The following SHOC1 variants were observed in gnomAD, a reference collection of about 807,000 sequenced individuals.
The protein encoded by SHOC1 is protein shortage in chiasmata 1 ortholog.
In SHOC1, 136 loss-of-function variants were observed where a neutral mutation model predicts 179.2. That is an observed-to-expected ratio of 0.76 (90% CI 0.66 to 0.87). The LOEUF (loss-of-function observed/expected upper bound fraction) is 0.87. SHOC1 is among the 40% of genes least tolerant of loss of function. The pLI is 0.00. For synonymous variants in SHOC1, 489 were observed against 586.6 expected, an observed-to-expected ratio of 0.83 and a Z score of 2.41; for missense variants, 1,538 against 1,700.8, an observed-to-expected ratio of 0.90 and a Z score of 1.68.
At chr9:111,705,403 C>T in intron 20 of SHOC1, 39 bp from the exon 21 acceptor site, 3 of 991,196 alleles carry the variant, frequency 3.0e-6, no homozygotes, top group South Asian at 1.9e-5. Flanking sequence ...CTCTTTTATT[C>T]TCATCTCCCA....
intron 15 of SHOC1, among the ~76,000 whole-genome samples, chr9:111,721,970 A>G (rs1346622281): frequency 6.6e-6 from 1 of 152,166 alleles, no homozygotes; most frequent in Non-Finnish European, 1.5e-5. Context: ...AACTGGTTTA[A>G]TGTATTTTAT....
intron 27 of SHOC1, among the ~76,000 whole-genome samples, chr9:111,689,613 T>A (rs200353084): frequency 3.4e-5 from 1 of 29,492 alleles, no homozygotes; most frequent in Non-Finnish European, 5.1e-5. Context: ...AAATTTTTTT[T>A]AATTTAAATA....
At chr9:111,703,224 A>G (rs17342724) in intron 22 of SHOC1, among the ~76,000 whole-genome samples, 11,339 of 152,222 alleles carry the variant, frequency 0.074, 621 homozygotes, top group South Asian at 0.2. Context: ...GTGTTTTTCC[A>G]TCATATAATT....
chr9:111,741,774 G>GAT (rs1834053239), intron 10 of SHOC1, among the ~76,000 whole-genome samples: 1 of 152,050 alleles, frequency 6.6e-6, no homozygotes, highest in African/African-American at 2.4e-5. Context: ...TGGGATTACA[G>GAT]GCGTCTGCCA....
chr9:111,728,199 G>T, intron 12 of SHOC1, 150 bp from the exon 13 acceptor site: 1 of 566,766 alleles, frequency 1.8e-6, no homozygotes, highest in Non-Finnish European at 2.8e-6. Flanking sequence ...TCAATTTTTG[G>T]TCTGAATAAA....
chr9:111,739,661 G>A (rs1047476795), intron 11 of SHOC1, among the ~76,000 whole-genome samples: 2 of 152,054 alleles, frequency 1.3e-5, no homozygotes, highest in Admixed American at 6.6e-5. Flanking sequence ...AGAAATAATT[G>A]TAGATTCACA....
rs552654707 is a variant in SHOC1, at chr9:111,687,906, T to C, written c.4427-1036A>G. On this transcript the variant is annotated intron_variant, in intron 27 of 27. Coordinates refer to ENST00000682961, the MANE Select transcript of SHOC1 (RefSeq NM_001378211.1). The stretch of plus-strand genomic sequence containing the variant: ...CATATTTCGTTTCAGGGAGAGGTTA[T>C]GTGTTTAGGAATCTATCTGTAAATT... 6.6e-5 allele frequency among the ~76,000 whole-genome samples: 10 copies of C among 152,330 alleles called. No individual in the cohort carries two copies. In the East Asian group the frequency reaches 1.7e-3, roughly 26 times the overall value.
At chr9:111,702,810 G>C (rs1832045260) in intron 22 of SHOC1, among the ~76,000 whole-genome samples, 1 of 152,048 alleles carries the variant, frequency 6.6e-6, no homozygotes, top group Admixed American at 6.6e-5. Context: ...TATATAATTG[G>C]ATTACAACAG....
chr9:111,688,731 C>T (rs1831291970), intron 27 of SHOC1, among the ~76,000 whole-genome samples: 1 of 152,020 alleles, frequency 6.6e-6, no homozygotes, highest in African/African-American at 2.4e-5. Flanking sequence ...AATTAAAATA[C>T]CATATTTAAA....
At chr9:111,788,480 T>C (rs977550953) in intron 2 of SHOC1, among the ~76,000 whole-genome samples, 1 of 152,232 alleles carries the variant, frequency 6.6e-6, no homozygotes, top group Non-Finnish European at 1.5e-5. Flanking sequence ...TGATATTTGC[T>C]GTTGCTGAGG....
intron 27 of SHOC1, among the ~76,000 whole-genome samples, chr9:111,690,726 G>A (rs10981012): frequency 0.11 from 17,204 of 152,186 alleles, 1,358 homozygotes; most frequent in East Asian, 0.25. Context: ...AAAACAAGTT[G>A]TAAGTATTAA....
At chr9:111,693,638 C>T (rs1294057401) in intron 26 of SHOC1, among the ~76,000 whole-genome samples, 161 bp downstream of exon 26, 3 of 151,684 alleles carry the variant, frequency 2.0e-5, no homozygotes, top group African/African-American at 4.8e-5. Context: ...GCTAATGAAA[C>T]GTCTATATGA....
intron 8 of SHOC1, among the ~76,000 whole-genome samples, chr9:111,754,794 C>T (rs973352912): frequency 3.3e-5 from 5 of 152,142 alleles, no homozygotes; most frequent in Admixed American, 6.5e-5. Flanking sequence ...AGTACTGATA[C>T]GTTGGATAAT....
chr9:111,793,112 G>A (rs1836503710), intron 1 of SHOC1, among the ~76,000 whole-genome samples: 1 of 152,164 alleles, frequency 6.6e-6, no homozygotes, highest in Non-Finnish European at 1.5e-5. Flanking sequence ...TCGATCTCCT[G>A]ACCTTGTGAT....
chr9:111,712,487 A>G (rs1832597808), intron 18 of SHOC1, among the ~76,000 whole-genome samples: 1 of 152,164 alleles, frequency 6.6e-6, no homozygotes, highest in Non-Finnish European at 1.5e-5. Context: ...TTTATATGAG[A>G]GGAAGTAGTA....
At chr9:111,759,081 T>A (rs1835015054) in intron 5 of SHOC1, 1 of 1,449,304 alleles carries the variant, frequency 6.9e-7, no homozygotes, top group Admixed American at 2.2e-5. Flanking sequence ...TAGCCAAATA[T>A]CCCAAAAGAG....
chr9:111,788,816 TAATAAGTTTGTA>T (rs1423566518), intron 2 of SHOC1, among the ~76,000 whole-genome samples: 2 of 152,240 alleles, frequency 1.3e-5, no homozygotes, highest in African/African-American at 2.4e-5. Context: ...TTAAATCAGT[TAATAAGTTTGTA>T]AATGAGTCAG....
chr9:111,771,115 T>C (rs147152569), intron 5 of SHOC1, among the ~76,000 whole-genome samples: 12 of 152,306 alleles, frequency 7.9e-5, no homozygotes, highest in African/African-American at 2.6e-4. Context: ...CTTTGGTGGT[T>C]ACTTTCTCTG....
intron 5 of SHOC1, among the ~76,000 whole-genome samples, chr9:111,771,132 C>T (rs11506771): frequency 0.058 from 8,735 of 151,912 alleles, 621 homozygotes; most frequent in African/African-American, 0.17. Flanking sequence ...TCTGATAGTA[C>T]GTTTTAATTT....
Sources: gnomAD v4.1 joint callset for allele counts (sites outside exome capture counted in the v4.1 genomes callset) on GRCh38, gnomAD v4.1.1 for gene constraint, MANE v1.5 for transcripts, NCBI Gene and HGNC (gene_info 2026-07-23, HGNC 2026-07-21) for gene names.